Variants in NEDD4 observed in about 807,000 individuals in gnomAD.
NEDD4 encodes the protein NEDD4 E3 ubiquitin protein ligase.
A neutral mutation model predicts 144.9 loss-of-function variants in NEDD4; 99 were observed. The observed-to-expected ratio is 0.68, with a 90% CI of 0.58 to 0.81. The LOEUF is 0.81. Ranked by LOEUF, NEDD4 falls within the 30% of genes least tolerant of loss-of-function variation. The pLI is 0.00. For synonymous variants in NEDD4, 318 were observed against 350.6 expected, an observed-to-expected ratio of 0.91 and a Z score of 1.04; for missense variants, 985 against 1,065.9, an observed-to-expected ratio of 0.92 and a Z score of 1.06.
chr15:55,862,635 C>G (rs7162927), intron 9 of NEDD4, among the ~76,000 whole-genome samples: 109,522 of 151,986 alleles, frequency 0.72, 39,995 homozygotes, highest in Non-Finnish European at 0.8. Flanking sequence ...AAATAAAAAT[C>G]TACCATTTGT....
At chr15:55,849,414 G>A (rs748443339) in intron 14 of NEDD4, among the ~76,000 whole-genome samples, 19 of 151,926 alleles carry the variant, frequency 1.3e-4, no homozygotes, top group Non-Finnish European at 2.2e-4. Flanking sequence ...TAATAGAGAC[G>A]GGGTTTCTCC....
chr15:55,902,227 G>A (rs913697172), intron 5 of NEDD4, among the ~76,000 whole-genome samples: 1 of 152,122 alleles, frequency 6.6e-6, no homozygotes, highest in Admixed American at 6.6e-5. Context: ...TAACTGACAT[G>A]CTCCATCCCA....
chr15:55,893,418 A>G (rs188952321), intron 5 of NEDD4, among the ~76,000 whole-genome samples: 1 of 152,200 alleles, frequency 6.6e-6, no homozygotes, highest in Admixed American at 6.5e-5. Flanking sequence ...TAACAGATCA[A>G]GAAATACTTC....
chr15:55,951,584 G>T lies in NEDD4; in HGVS notation c.125C>A (p.Pro42His). The change falls in exon 3 of 29, where the codon CCT becomes CAT. Residue 42 changes from proline to histidine, a missense_variant. Physicochemically the swap from Pro to His is moderately conservative, Grantham distance 77. Coordinates refer to ENST00000435532, the MANE Select transcript of NEDD4 (RefSeq NM_006154.4). ...GTCATATAACGTCACTCTCACGTAA[G>T]GATCACTGTTAAAAAAAAAAAAAAA... is the stretch of plus-strand genomic sequence containing the variant. ...AKKDILGASD[P>H]YVRVTLYDPM... 1 of 1,426,664 alleles carries T rather than the reference G, an allele frequency of 7.0e-7. No individual in the cohort carries two copies. Among genetic ancestry groups the T allele is most frequent in the Non-Finnish European group, 9.2e-7 (1 of 1,091,220 alleles). 88.4% of individuals were successfully genotyped at this position (1,426,664 alleles called of 1,614,324 possible). A position where few individuals can be genotyped will look rare whatever the true frequency, so the allele number is the denominator to read the frequency against.
At chr15:55,984,447 C>T (rs1041919559) in intron 1 of NEDD4, among the ~76,000 whole-genome samples, 1 of 152,172 alleles carries the variant, frequency 6.6e-6, no homozygotes, top group Non-Finnish European at 1.5e-5. Flanking sequence ...AAAAATCTAA[C>T]CTGGTGCCTG....
At chr15:55,887,038 A>T (rs2035415852) in intron 5 of NEDD4, among the ~76,000 whole-genome samples, 1 of 151,944 alleles carries the variant, frequency 6.6e-6, no homozygotes, top group Admixed American at 6.6e-5. Context: ...CCTACATCAA[A>T]AAAGAAAAAA....
At chr15:55,967,700 G>T (rs1320179302) in intron 1 of NEDD4, among the ~76,000 whole-genome samples, 1 of 147,834 alleles carries the variant, frequency 6.8e-6, no homozygotes, top group African/African-American at 2.5e-5. Flanking sequence ...AAATTAATAA[G>T]AAATATAAAA....
At chr15:55,946,601 G>C (rs1489824031) in intron 4 of NEDD4, among the ~76,000 whole-genome samples, 1 of 152,104 alleles carries the variant, frequency 6.6e-6, no homozygotes, top group Non-Finnish European at 1.5e-5. Context: ...AGATCAATGA[G>C]ACAGAAAGTT....
intron 5 of NEDD4, chr15:55,915,738 ACAGT>A (rs2036417123): frequency 6.2e-7 from 1 of 1,613,940 alleles, no homozygotes; most frequent in South Asian, 1.1e-5. Context: ...CTTTTCACAG[ACAGT>A]CTGTCTGGGA....
chr15:55,842,840 C>T (rs1566903834), intron 18 of NEDD4, among the ~76,000 whole-genome samples: 1 of 152,220 alleles, frequency 6.6e-6, no homozygotes, highest in Admixed American at 6.5e-5. Flanking sequence ...CCTCTACTTT[C>T]CTCCCTGGAG....
intron 1 of NEDD4, among the ~76,000 whole-genome samples, chr15:55,993,232 C>A (rs960889766): frequency 6.6e-6 from 1 of 152,176 alleles, no homozygotes; most frequent in Non-Finnish European, 1.5e-5. Flanking sequence ...GCCCCCTCCT[C>A]AACACTTCCT....
intron 8 of NEDD4, among the ~76,000 whole-genome samples, chr15:55,863,941 TTC>T (rs1436112598): frequency 6.6e-6 from 1 of 152,206 alleles, no homozygotes; most frequent in Non-Finnish European, 1.5e-5. Context: ...CTTGTCTGAT[TTC>T]TCTCTTTCTC....
chr15:55,923,656 A>AT lies in NEDD4; in HGVS notation c.291+989_291+990insA, dbSNP rs1275598736. 2.9e-3 allele frequency among the ~76,000 whole-genome samples: 402 copies of AT among 137,590 alleles called. 3 individuals are homozygous for AT. Among genetic ancestry groups the AT allele is most frequent in the Non-Finnish European group, 3.6e-3 (229 of 64,402 alleles). 90.3% of individuals were successfully genotyped at this position (137,590 alleles called of 152,430 possible). On this transcript the variant is annotated intron_variant, in intron 5 of 28. Transcript: ENST00000435532. Reference sequence around the variant, plus strand: ...GCGAGACTCCATCTCAAAAAAAAAAAAAAATATATATATATATAGCAAGTC... The same window carrying AT: ...GCGAGACTCCATCTCAAAAAAAAAAATAAAATATATATATATATAGCAAGTC...
chr15:55,921,050 C>T (rs1337710668), intron 5 of NEDD4, among the ~76,000 whole-genome samples: 1 of 152,112 alleles, frequency 6.6e-6, no homozygotes, highest in Non-Finnish European at 1.5e-5. Context: ...TATCAGAGAG[C>T]TACAAACGCG....
chr15:55,941,613 G>T (rs2037006442), intron 4 of NEDD4, among the ~76,000 whole-genome samples: 1 of 149,434 alleles, frequency 6.7e-6, no homozygotes. Context: ...CACCCAGGCT[G>T]GAGTCCAGCA....
intron 1 of NEDD4, among the ~76,000 whole-genome samples, chr15:55,978,415 T>A (rs1014224752): frequency 6.6e-6 from 1 of 152,210 alleles, no homozygotes; most frequent in African/African-American, 2.4e-5. Context: ...TTCTAGAGAA[T>A]TGTCAAATTA....
chr15:55,869,773 A>T (rs1464203387), intron 7 of NEDD4, 92 bp from the exon 8 acceptor site: 11 of 792,496 alleles, frequency 1.4e-5, no homozygotes, highest in Non-Finnish European at 2.0e-5. Context: ...ACTAGGTACC[A>T]GGGGGTCTAC....
chr15:55,886,436 T>C lies in NEDD4; in HGVS notation c.292-12428A>G, dbSNP rs534472010. ...ATGGATCCTTCTCAAGGACAGACCA[T>C]TTATTAGGCCACAAAATAAGCCTTA... On this transcript the variant is annotated intron_variant, in intron 5 of 28. Transcript: ENST00000435532. Among the ~76,000 whole-genome samples the C allele has an allele frequency of 3.5e-4, 53 of 152,308 alleles. No homozygotes were observed. In the South Asian group the frequency reaches 6.0e-3, roughly 17 times the overall value.
At chr15:55,971,524 C>A (rs1425161357) in intron 1 of NEDD4, among the ~76,000 whole-genome samples, 3 of 151,484 alleles carry the variant, frequency 2.0e-5, no homozygotes, top group Non-Finnish European at 2.9e-5. Context: ...ACTCAGGAGG[C>A]TGAGGCAGGA....
Sources: gnomAD v4.1 joint callset for allele counts (sites outside exome capture counted in the v4.1 genomes callset) on GRCh38, gnomAD v4.1.1 for gene constraint, MANE v1.5 for transcripts, NCBI Gene and HGNC (gene_info 2026-07-23, HGNC 2026-07-21) for gene names.